PBX3: variants seen among roughly 807,000 people sequenced by gnomAD.
PBX3 encodes PBX homeobox 3.
Under a neutral mutation model 48.5 loss-of-function variants are expected in PBX3, and 14 were observed. That is an observed-to-expected ratio of 0.29 (90% CI 0.19 to 0.45). The LOEUF is 0.45. Among genes scored for constraint, PBX3 ranks in the 20% least tolerant of loss-of-function variants. The pLI, the probability that PBX3 is intolerant of heterozygous loss-of-function variation, is 1.00. For synonymous variants in PBX3, 210 were observed against 200.3 expected, an observed-to-expected ratio of 1.05 and a Z score of -0.41; for missense variants, 386 against 546.7, an observed-to-expected ratio of 0.71 and a Z score of 2.93.
In PBX3 at chr9:125,748,636, G is replaced by T; in HGVS notation, c.274+13G>T. On this transcript the variant is annotated intron_variant, in intron 2 of 8. Coordinates refer to ENST00000373489, the MANE Select transcript of PBX3 (RefSeq NM_006195.6). ...AAAGAGAAAACAGGTAAGACGCTGC[G>T]CCCCGCAGTGGGCCTGGAGACCCCC... 6.2e-7 allele frequency: 1 copy of T among 1,609,916 alleles called. No individual in the cohort carries two copies. The highest frequency in any genetic ancestry group is 8.5e-7 in the Non-Finnish European group (1 of 1,177,524).
chr9:125,758,130 A>C (rs1208796637), intron 2 of PBX3, among the ~76,000 whole-genome samples: 1 of 152,196 alleles, frequency 6.6e-6, no homozygotes, highest in African/African-American at 2.4e-5. Context: ...TGAATGCCTG[A>C]AAATGAAATG....
At chr9:125,931,387 C>T (rs1172972977) in intron 4 of PBX3, among the ~76,000 whole-genome samples, 5 of 152,160 alleles carry the variant, frequency 3.3e-5, no homozygotes, top group Non-Finnish European at 5.9e-5. Flanking sequence ...ACTGCAGCCT[C>T]GACATCCCAT....
chr9:125,783,084 CTT>C (rs1837364544), intron 2 of PBX3, among the ~76,000 whole-genome samples: 1 of 152,004 alleles, frequency 6.6e-6, no homozygotes, highest in African/African-American at 2.4e-5. Flanking sequence ...AATTTAATGT[CTT>C]TTATCAAATT....
intron 2 of PBX3, among the ~76,000 whole-genome samples, chr9:125,753,638 C>T (rs1290626645): frequency 6.6e-6 from 1 of 151,780 alleles, no homozygotes; most frequent in African/African-American, 2.4e-5. Context: ...TAATGACCCT[C>T]ATTTTATTAC....
chr9:125,752,918 A>G (rs1013362687), intron 2 of PBX3, among the ~76,000 whole-genome samples: 3 of 152,192 alleles, frequency 2.0e-5, no homozygotes, highest in African/African-American at 4.8e-5. Flanking sequence ...TGTTTTCATG[A>G]AACACATTTT....
At chr9:125,821,262 C>T (rs542251616) in intron 2 of PBX3, among the ~76,000 whole-genome samples, 15 of 152,108 alleles carry the variant, frequency 9.9e-5, no homozygotes, top group African/African-American at 3.6e-4. Flanking sequence ...GAACTTTATA[C>T]GAGCTTCTCT....
At chr9:125,817,450 G>A (rs929639766) in intron 2 of PBX3, among the ~76,000 whole-genome samples, 1 of 152,116 alleles carries the variant, frequency 6.6e-6, no homozygotes, top group Non-Finnish European at 1.5e-5. Flanking sequence ...TTAATCCACT[G>A]GGGTTTGTGC....
intron 3 of PBX3, among the ~76,000 whole-genome samples, chr9:125,922,920 T>A (rs893717939): frequency 1.3e-5 from 2 of 152,216 alleles, no homozygotes; most frequent in Non-Finnish European, 1.5e-5. Flanking sequence ...TATCTAAATG[T>A]AAATAGTTAA....
intron 8 of PBX3, among the ~76,000 whole-genome samples, chr9:125,964,641 A>G (rs1473479152): frequency 6.6e-6 from 1 of 152,108 alleles, no homozygotes; most frequent in African/African-American, 2.4e-5. Context: ...ATAGAGGTAG[A>G]AAAGGTGCTT....
intron 2 of PBX3, among the ~76,000 whole-genome samples, chr9:125,912,781 C>A (rs1841233145): frequency 6.6e-6 from 1 of 152,190 alleles, no homozygotes; most frequent in South Asian, 2.1e-4. Flanking sequence ...TACCATGTTT[C>A]AATTTGAAGA....
chr9:125,947,203 TA>T (rs1842083254), intron 5 of PBX3, among the ~76,000 whole-genome samples: 1 of 152,020 alleles, frequency 6.6e-6, no homozygotes, highest in Non-Finnish European at 1.5e-5. Flanking sequence ...ATAAAAAGAT[TA>T]CAGATACAGG....
intron 2 of PBX3, among the ~76,000 whole-genome samples, chr9:125,830,400 C>G (rs1838925488): frequency 6.6e-6 from 1 of 152,000 alleles, no homozygotes; most frequent in Admixed American, 6.6e-5. Flanking sequence ...TTCAAACAAA[C>G]AAACTTCTTT....
At chr9:125,918,606 A>C (rs1329565333) in intron 3 of PBX3, among the ~76,000 whole-genome samples, 1 of 152,228 alleles carries the variant, frequency 6.6e-6, no homozygotes, top group African/African-American at 2.4e-5. Flanking sequence ...AAATATAGAT[A>C]TATAAAATCT....
intron 2 of PBX3, among the ~76,000 whole-genome samples, chr9:125,764,643 C>G (rs1020524690): frequency 3.3e-5 from 5 of 152,144 alleles, no homozygotes; most frequent in African/African-American, 9.7e-5. Flanking sequence ...GTTAGCAATA[C>G]ACTACATTTT....
chr9:125,840,750 G>A (rs977886717), intron 2 of PBX3, among the ~76,000 whole-genome samples: 2 of 151,890 alleles, frequency 1.3e-5, no homozygotes, highest in African/African-American at 4.8e-5. Flanking sequence ...GGCAAAGACT[G>A]GAAATGTTTA....
chr9:125,903,698 G>T (rs1482513214), intron 2 of PBX3, among the ~76,000 whole-genome samples: 1 of 151,822 alleles, frequency 6.6e-6, no homozygotes, highest in African/African-American at 2.4e-5. Context: ...TTTACTGAGG[G>T]TCTTGTGAGG....
chr9:125,793,366 A>AAAAAATATATATATATATATATAT (rs59271982), intron 2 of PBX3, among the ~76,000 whole-genome samples: 1 of 101,976 alleles, frequency 9.8e-6, no homozygotes, highest in African/African-American at 4.2e-5. Context: ...GGAAAAAAAA[A>AAAAAATATATATATATATATATAT]ATATATATAT....
At chr9:125,872,395 G>A (rs951914075) in intron 2 of PBX3, among the ~76,000 whole-genome samples, 1 of 152,036 alleles carries the variant, frequency 6.6e-6, no homozygotes, top group African/African-American at 2.4e-5. Flanking sequence ...TATATGAAAG[G>A]GTACAGAAAA....
chr9:125,811,463 G>C (rs1414496660), intron 2 of PBX3, among the ~76,000 whole-genome samples: 1 of 152,118 alleles, frequency 6.6e-6, no homozygotes, highest in Non-Finnish European at 1.5e-5. Context: ...ATAGTGAATG[G>C]GTTCTCATGA....
Sources: gnomAD v4.1 joint callset for allele counts (sites outside exome capture counted in the v4.1 genomes callset) on GRCh38, gnomAD v4.1.1 for gene constraint, MANE v1.5 for transcripts, NCBI Gene and HGNC (gene_info 2026-07-23, HGNC 2026-07-21) for gene names.